The following C8orf34 variants were observed in gnomAD, a reference collection of about 807,000 sequenced individuals.
C8orf34 encodes the protein uncharacterized protein C8orf34.
Under a neutral mutation model 68.3 loss-of-function variants are expected in C8orf34, and 65 were observed. The ratio of observed to expected loss-of-function variants is 0.95; its 90% CI spans 0.78 to 1.17. The LOEUF (loss-of-function observed/expected upper bound fraction) is 1.17. C8orf34 is among the 50% of genes most tolerant of loss of function. The pLI is 0.00. For missense variants in C8orf34, 664 were observed against 655.4 expected (o/e 1.01, Z -0.14); for synonymous variants, 244 against 241.2 (o/e 1.01, Z -0.11).
chr8:68,545,365 C>CT (rs1367727620), intron 7 of C8orf34, among the ~76,000 whole-genome samples: 18 of 152,064 alleles, frequency 1.2e-4, no homozygotes, highest in Admixed American at 1.1e-3. Context: ...CATTAAACTT[C>CT]TTTTTTTCTT....
At chr8:68,753,430 T>A (rs978720873) in intron 10 of C8orf34, among the ~76,000 whole-genome samples, 1 of 152,202 alleles carries the variant, frequency 6.6e-6, no homozygotes, top group Non-Finnish European at 1.5e-5. Context: ...TGCACTAAGA[T>A]GAAAACCATT....
intron 7 of C8orf34, among the ~76,000 whole-genome samples, chr8:68,620,433 G>A (rs559556227): frequency 5.3e-5 from 8 of 152,032 alleles, no homozygotes; most frequent in African/African-American, 1.2e-4. Flanking sequence ...AGGACAGGCC[G>A]GGTCTAGTCA....
At chr8:68,792,074 G>GT (rs1824010392) in intron 12 of C8orf34, 1 of 152,130 alleles carries the variant, frequency 6.6e-6, no homozygotes. Context: ...ATGTGTAAAT[G>GT]TAAGAACTGG....
chr8:68,514,612 T>A (rs548967657), intron 5 of C8orf34, among the ~76,000 whole-genome samples: 2 of 152,108 alleles, frequency 1.3e-5, no homozygotes, highest in African/African-American at 4.8e-5. Flanking sequence ...TTTTGAAGAG[T>A]GAGTGTTTTC....
At chr8:68,809,765 G>A (rs1372072916) in intron 12 of C8orf34, among the ~76,000 whole-genome samples, 8 of 152,178 alleles carry the variant, frequency 5.3e-5, no homozygotes, top group Admixed American at 3.9e-4. Flanking sequence ...TCGAGCAGAT[G>A]TTATACTGTA....
chr8:68,433,097 C>T (rs1453991154), intron 1 of C8orf34, among the ~76,000 whole-genome samples: 3 of 152,082 alleles, frequency 2.0e-5, no homozygotes, highest in African/African-American at 7.2e-5. Context: ...CAATTCCACG[C>T]TCATTACCTG....
intron 7 of C8orf34, among the ~76,000 whole-genome samples, chr8:68,551,552 TTTTG>T (rs769975859): frequency 6.6e-6 from 1 of 152,014 alleles, no homozygotes; most frequent in African/African-American, 2.4e-5. Context: ...ATAGGAGGTT[TTTTG>T]TTTGTTTGTT....
intron 10 of C8orf34, among the ~76,000 whole-genome samples, chr8:68,751,846 T>C (rs1822717524): frequency 6.6e-6 from 1 of 150,764 alleles, no homozygotes; most frequent in East Asian, 1.9e-4. Flanking sequence ...AAAATTTATA[T>C]TTATAAAATA....
chr8:68,549,902 AATAAT>A (rs1816008046), intron 7 of C8orf34, among the ~76,000 whole-genome samples: 1 of 151,746 alleles, frequency 6.6e-6, no homozygotes, highest in African/African-American at 2.4e-5. Flanking sequence ...TCTGTCTGAA[AATAAT>A]ATAGCTACTT....
At chr8:68,355,172 G>C (rs968840697) in intron 1 of C8orf34, among the ~76,000 whole-genome samples, 3 of 152,002 alleles carry the variant, frequency 2.0e-5, no homozygotes, top group East Asian at 3.9e-4. Flanking sequence ...TTGCTTTCAA[G>C]AGAGGGGCTG....
chr8:68,779,377 T>C (rs1415433544), intron 11 of C8orf34, among the ~76,000 whole-genome samples: 1 of 152,092 alleles, frequency 6.6e-6, no homozygotes, highest in Non-Finnish European at 1.5e-5. Context: ...TAGACTGAAG[T>C]CAGTGATTTC....
At chr8:68,630,570 T>C in intron 7 of C8orf34, among the ~76,000 whole-genome samples, 1 of 152,094 alleles carries the variant, frequency 6.6e-6, no homozygotes, top group Non-Finnish European at 1.5e-5. Flanking sequence ...TACAAATATC[T>C]TAATAAGAAA....
chr8:68,545,087 T>A (rs561129680), intron 7 of C8orf34, among the ~76,000 whole-genome samples: 1 of 152,172 alleles, frequency 6.6e-6, no homozygotes, highest in East Asian at 1.9e-4. Flanking sequence ...GGTTTGGCTG[T>A]GTCCCCAACC....
intron 7 of C8orf34, among the ~76,000 whole-genome samples, chr8:68,584,027 G>T (rs1468902523): frequency 6.6e-6 from 1 of 152,030 alleles, no homozygotes. Flanking sequence ...TTTTTATCAT[G>T]GAAGAAAAAT....
At chr8:68,774,348 T>TATATATATATATATATAA (rs1554611611) in intron 10 of C8orf34, among the ~76,000 whole-genome samples, 1 of 149,084 alleles carries the variant, frequency 6.7e-6, no homozygotes, top group African/African-American at 2.5e-5. Context: ...TATATATATA[T>TATATATATATATATATAA]AAAATAAACA....
intron 5 of C8orf34, among the ~76,000 whole-genome samples, chr8:68,495,667 A>C (rs1407230865): frequency 6.6e-6 from 1 of 152,268 alleles, no homozygotes. Context: ...AACAGATGGA[A>C]TAACAGAAGC....
chr8:68,401,115 G>GTTTTT (rs57444673), intron 1 of C8orf34, among the ~76,000 whole-genome samples: 8 of 139,028 alleles, frequency 5.8e-5, no homozygotes, highest in African/African-American at 1.9e-4. Context: ...CATATTCCTA[G>GTTTTT]TTTTTTTTTT....
chr8:68,796,854 T>C (rs1414700628), intron 12 of C8orf34, among the ~76,000 whole-genome samples: 2 of 149,702 alleles, frequency 1.3e-5, no homozygotes, highest in African/African-American at 5.0e-5. Flanking sequence ...TGAGACAGTG[T>C]CTTGCTCTGT....
At chr8:68,739,625 T>C (rs1412900253) in intron 10 of C8orf34, among the ~76,000 whole-genome samples, 2 of 152,106 alleles carry the variant, frequency 1.3e-5, no homozygotes, top group Non-Finnish European at 2.9e-5. Flanking sequence ...CCCAAGCTCA[T>C]AGATAGGAAG....
Sources: gnomAD v4.1 joint callset for allele counts (sites outside exome capture counted in the v4.1 genomes callset) on GRCh38, gnomAD v4.1.1 for gene constraint, MANE v1.5 for transcripts, NCBI Gene and HGNC (gene_info 2026-07-23, HGNC 2026-07-21) for gene names.